The following RAB1A variants were observed in gnomAD, a reference collection of about 807,000 sequenced individuals.
The protein encoded by RAB1A is RAB1A, member RAS oncogene family.
A neutral mutation model predicts 26.0 loss-of-function variants in RAB1A; 2 were observed. The observed-to-expected ratio is 0.08, with a 90% CI of 0.03 to 0.24. RAB1A has a LOEUF of 0.24. RAB1A is among the 10% of genes least tolerant of loss of function. The probability of loss-of-function intolerance (pLI) is 1.00; values close to 1 mark genes in which losing one functional copy is unlikely to be tolerated. For synonymous variants in RAB1A, 84 were observed against 84.9 expected (o/e 0.99, Z 0.06); for missense variants, 100 against 247.0 (o/e 0.40, Z 3.99).
chr2:65,122,366 T>C (rs1025873485), intron 1 of RAB1A, among the ~76,000 whole-genome samples: 2 of 141,036 alleles, frequency 1.4e-5, no homozygotes, highest in South Asian at 2.4e-4. Context: ...GGGCAACATA[T>C]TGAAATCCCA....
intron 1 of RAB1A, among the ~76,000 whole-genome samples, chr2:65,126,780 C>A (rs1670110208): frequency 6.6e-6 from 1 of 152,156 alleles, no homozygotes; most frequent in Admixed American, 6.5e-5. Flanking sequence ...GAGTTTGGAA[C>A]AAGATGTTAA....
chr2:65,119,277 A>C (rs1009502652), intron 1 of RAB1A, among the ~76,000 whole-genome samples: 3 of 152,032 alleles, frequency 2.0e-5, no homozygotes, highest in African/African-American at 7.2e-5. Context: ...AGGCCAAGGC[A>C]GGCAGATCAC....
chr2:65,090,243 T>TA (rs1669139778), intron 4 of RAB1A, among the ~76,000 whole-genome samples: 1 of 152,210 alleles, frequency 6.6e-6, no homozygotes, highest in African/African-American at 2.4e-5. Flanking sequence ...TGCTTACATG[T>TA]AAGTTATCTC....
At chr2:65,120,091 T>C (rs1016870933) in intron 1 of RAB1A, among the ~76,000 whole-genome samples, 2 of 152,016 alleles carry the variant, frequency 1.3e-5, no homozygotes, top group African/African-American at 4.8e-5. Flanking sequence ...CTTTTATAAA[T>C]TTAGCTATTT....
chr2:65,124,297 T>C (rs1397079197), intron 1 of RAB1A, among the ~76,000 whole-genome samples: 1 of 152,142 alleles, frequency 6.6e-6, no homozygotes, highest in Non-Finnish European at 1.5e-5. Flanking sequence ...GGGAAATTTT[T>C]TAATGCAAAA....
intron 1 of RAB1A, among the ~76,000 whole-genome samples, chr2:65,128,450 T>C (rs1027804432): frequency 6.6e-6 from 1 of 152,186 alleles, no homozygotes; most frequent in Admixed American, 6.5e-5. Flanking sequence ...AACTTTGTCC[T>C]TGGAGCCCTT....
chr2:65,096,731 C>G (rs1366331323), intron 3 of RAB1A, among the ~76,000 whole-genome samples: 1 of 152,186 alleles, frequency 6.6e-6, no homozygotes, highest in Non-Finnish European at 1.5e-5. Context: ...TTACTTATAT[C>G]AATATCCACA....
At chr2:65,104,991 A>G in intron 1 of RAB1A, 185 bp from the exon 2 acceptor site, 1 of 701,928 alleles carries the variant, frequency 1.4e-6, no homozygotes, top group Admixed American at 2.2e-5. Context: ...ACTAAACATG[A>G]TAAAATTATG....
chr2:65,103,310 A>AAAAAAAAAAAAAAAAAAAAAAAAAAAAAC (rs1226329509), intron 2 of RAB1A, among the ~76,000 whole-genome samples: 1 of 151,496 alleles, frequency 6.6e-6, no homozygotes, highest in East Asian at 2.0e-4. Context: ...AAAAAAAAAA[A>AAAAAAAAAAAAAAAAAAAAAAAAAAAAAC]AAAACATTGT....
chr2:65,107,925 A>G (rs560251228), intron 1 of RAB1A, among the ~76,000 whole-genome samples: 44 of 151,926 alleles, frequency 2.9e-4, no homozygotes, highest in Non-Finnish European at 4.7e-4. Flanking sequence ...TTAGCTAGGC[A>G]TGGTGGTGGG....
In RAB1A at chr2:65,123,265, G is replaced by A. The variant is rs1156243880; in HGVS notation, c.23+6628C>T. On this transcript the variant is annotated intron_variant, in intron 1 of 5. Transcript: ENST00000409784. ...GGCTCACTGCAAGCTCTGCCTCCCG[G>A]GTTCAAATGATTCTCCTGCCTCAGC... Among the ~76,000 whole-genome samples, 8 of 150,366 alleles carry A rather than the reference G, an allele frequency of 5.3e-5. No individual in the cohort carries two copies. The East Asian group carries it at 1.6e-3, about 31-fold the overall frequency.
intron 1 of RAB1A, among the ~76,000 whole-genome samples, chr2:65,125,423 CTT>C (rs35048150): frequency 2.4e-5 from 3 of 127,258 alleles, no homozygotes; most frequent in Admixed American, 8.0e-5. Context: ...GTATTTCTTT[CTT>C]TTTTTTTTTT....
Position 65,093,552 on chromosome 2 carries a change from T to C in RAB1A, c.193-2474A>G, listed in dbSNP as rs963011968. ...ACAGAATCAAGATTTTGAAAAGACC[T>C]AGAAAACTTGAAGGATTACTGAAGC... On this transcript the variant is annotated intron_variant, in intron 3 of 5. Transcript: ENST00000409784. 8.1e-4 allele frequency among the ~76,000 whole-genome samples: 123 copies of C among 151,124 alleles called. 1 individual carries two copies. The highest frequency in any genetic ancestry group is 2.9e-4 in the Non-Finnish European group (20 of 67,840).
intron 2 of RAB1A, among the ~76,000 whole-genome samples, chr2:65,100,269 C>T (rs1279342996): frequency 7.9e-5 from 12 of 151,114 alleles, no homozygotes; most frequent in Admixed American, 7.9e-4. Context: ...GACGTGGTGG[C>T]GGGCGCCTGT....
At chr2:65,098,723 T>C (rs1333908706) in intron 2 of RAB1A, among the ~76,000 whole-genome samples, 1 of 152,146 alleles carries the variant, frequency 6.6e-6, no homozygotes, top group Non-Finnish European at 1.5e-5. Flanking sequence ...TTTGCCAATT[T>C]TGGACATTTC....
intron 3 of RAB1A, among the ~76,000 whole-genome samples, chr2:65,094,572 G>A (rs1371018999): frequency 3.1e-5 from 4 of 128,974 alleles, no homozygotes; most frequent in African/African-American, 6.0e-5. Context: ...CAACAAGAGC[G>A]AAACTCCGTC....
At chr2:65,127,053 T>C (rs1365886946) in intron 1 of RAB1A, among the ~76,000 whole-genome samples, 1 of 152,202 alleles carries the variant, frequency 6.6e-6, no homozygotes, top group African/African-American at 2.4e-5. Context: ...TGTATTATTT[T>C]ACTAAACAGT....
chr2:65,123,814 T>C (rs1403345949), intron 1 of RAB1A, among the ~76,000 whole-genome samples: 1 of 151,336 alleles, frequency 6.6e-6, no homozygotes, highest in African/African-American at 2.4e-5. Flanking sequence ...AGTGAGACTC[T>C]GTCTCAAAAA....
intron 1 of RAB1A, among the ~76,000 whole-genome samples, chr2:65,121,636 C>G (rs1669966157): frequency 6.6e-6 from 1 of 152,196 alleles, no homozygotes; most frequent in Admixed American, 6.5e-5. Context: ...TATTAATAAT[C>G]TGCAACACTC....
Sources: gnomAD v4.1 joint callset for allele counts (sites outside exome capture counted in the v4.1 genomes callset) on GRCh38, gnomAD v4.1.1 for gene constraint, MANE v1.5 for transcripts, NCBI Gene and HGNC (gene_info 2026-07-23, HGNC 2026-07-21) for gene names.